Variants in PCDH15 observed in about 807,000 individuals in gnomAD.
The protein encoded by PCDH15 is protocadherin-15.
A neutral mutation model predicts 178.5 loss-of-function variants in PCDH15; 129 were observed. The ratio of observed to expected loss-of-function variants is 0.72; its 90% CI spans 0.63 to 0.84. The LOEUF is 0.84. Among genes scored for constraint, PCDH15 ranks in the 40% least tolerant of loss-of-function variants. PCDH15 has a pLI of 0.00. For missense variants in PCDH15, 2,230 were observed against 2,099.9 expected (o/e 1.06, Z -1.21); for synonymous variants, 800 against 732.0 (o/e 1.09, Z -1.50).
In PCDH15 at chr10:53,975,743, C is replaced by A. The variant is rs942589219; in HGVS notation, c.2869-13851G>T. 2.7e-5 allele frequency among the ~76,000 whole-genome samples: 4 copies of A among 150,228 alleles called. No individual in the cohort carries two copies. The East Asian group carries it at 5.8e-4, about 22-fold the overall frequency. On this transcript the variant is annotated intron_variant, in intron 21 of 37. Coordinates refer to ENST00000644397, the MANE Select transcript of PCDH15 (RefSeq NM_001384140.1). ...GTTGTCTGTTTACTTTGTTGATAGT[C>A]TCTTCGCTGGGGCAAAGCTCTTTAG...
intron 1 of PCDH15, among the ~76,000 whole-genome samples, chr10:55,234,770 T>C (rs1472848720): frequency 1.3e-5 from 2 of 152,084 alleles, no homozygotes; most frequent in African/African-American, 4.8e-5. Context: ...AATCACACTT[T>C]TTTATTACTC....
intron 2 of PCDH15, among the ~76,000 whole-genome samples, chr10:55,031,807 C>T (rs1840618094): frequency 2.0e-5 from 3 of 152,168 alleles, no homozygotes; most frequent in African/African-American, 7.2e-5. Context: ...GACAACCAAA[C>T]CTGCCAGTGC....
chr10:54,378,658 T>C, intron 4 of PCDH15, 124 bp downstream of exon 4: 2 of 1,072,054 alleles, frequency 1.9e-6, no homozygotes, highest in Non-Finnish European at 2.7e-6. Flanking sequence ...AAAGAAACTG[T>C]TGTTGCTATA....
chr10:55,434,963 C>A lies in PCDH15; in HGVS notation c.-156+192662G>T, dbSNP rs151021414. 9.1e-4 allele frequency among the ~76,000 whole-genome samples: 138 copies of A among 152,198 alleles called. 1 individual carries two copies. The highest frequency in any genetic ancestry group is 1.7e-3 in the Non-Finnish European group (115 of 68,010). On this transcript the variant is annotated intron_variant, in intron 2 of 5. Coordinates refer to the PCDH15 transcript ENST00000613346. ...GTCAAAAATCTAATTTTAAGATTTACTTATTTTATGAAAACATGAATAGTC... is the reference window on the plus strand; with the variant it reads ...GTCAAAAATCTAATTTTAAGATTTAATTATTTTATGAAAACATGAATAGTC...
At chr10:54,128,427 C>T (rs1383124938) in intron 15 of PCDH15, among the ~76,000 whole-genome samples, 11 of 152,156 alleles carry the variant, frequency 7.2e-5, no homozygotes, top group Non-Finnish European at 1.6e-4. Context: ...GCCCACTCCA[C>T]CACCACATTT....
intron 2 of PCDH15, among the ~76,000 whole-genome samples, chr10:55,423,454 A>G (rs1031951161): frequency 6.6e-5 from 10 of 152,044 alleles, no homozygotes; most frequent in Non-Finnish European, 1.5e-4. Flanking sequence ...CAGGGCTAGA[A>G]TGAAACAAAT....
chr10:54,896,531 T>A (rs1037815363), intron 3 of PCDH15, among the ~76,000 whole-genome samples: 1 of 151,896 alleles, frequency 6.6e-6, no homozygotes, highest in Non-Finnish European at 1.5e-5. Flanking sequence ...AAAAATAGCT[T>A]AGCTCCATGA....
rs78485499 is a variant in PCDH15 at position 55,506,645 on chromosome 10, C to T, written c.-156+120980G>A. On this transcript the variant is annotated intron_variant, in intron 2 of 5. Transcript: ENST00000613346. ...AGGGTAATATTTTGAAAACTCGACA[C>T]TTTATTCAAGGCTATAATTTTTATT... Among the ~76,000 whole-genome samples the T allele has an allele frequency of 8.4e-4, 127 of 151,624 alleles. No homozygotes were observed. The East Asian group carries it at 0.015, about 18-fold the overall frequency.
chr10:55,612,173 T>G (rs2132160796), intron 2 of PCDH15, among the ~76,000 whole-genome samples: 1 of 152,230 alleles, frequency 6.6e-6, no homozygotes, highest in Admixed American at 6.5e-5. Context: ...AGAGTATATT[T>G]TAAGTGTTCT....
At chr10:54,781,396 G>A (rs1025541375) in intron 1 of PCDH15, among the ~76,000 whole-genome samples, 13 of 152,164 alleles carry the variant, frequency 8.5e-5, no homozygotes, top group African/African-American at 2.9e-4. Context: ...ATACATCTAT[G>A]TAGACATTGT....
chr10:54,017,308 A>G (rs1361612109), intron 20 of PCDH15, among the ~76,000 whole-genome samples: 1 of 152,064 alleles, frequency 6.6e-6, no homozygotes, highest in East Asian at 1.9e-4. Flanking sequence ...TACAAGCATG[A>G]GCCACCATGC....
chr10:54,530,254 T>A (rs953980272), intron 2 of PCDH15, among the ~76,000 whole-genome samples: 1 of 152,174 alleles, frequency 6.6e-6, no homozygotes, highest in African/African-American at 2.4e-5. Flanking sequence ...CATCAACTGT[T>A]AAAATATACT....
intron 2 of PCDH15, chr10:54,600,392 G>A: frequency 1.8e-6 from 1 of 556,670 alleles, no homozygotes; most frequent in African/African-American, 1.9e-5. Context: ...AAGGCAAAAG[G>A]CAGTGGGAGG....
At chr10:54,672,309 G>A (rs540692427) in intron 1 of PCDH15, among the ~76,000 whole-genome samples, 1 of 152,024 alleles carries the variant, frequency 6.6e-6, no homozygotes, top group South Asian at 2.1e-4. Flanking sequence ...GCCCCAGGTC[G>A]GTGGAAATTT....
chr10:55,582,626 A>ATTTTTTTTTTTTT (rs1413632977), intron 2 of PCDH15, among the ~76,000 whole-genome samples: 1 of 61,234 alleles, frequency 1.6e-5, no homozygotes, highest in Non-Finnish European at 3.0e-5. Context: ...ATATATATAT[A>ATTTTTTTTTTTTT]TATTTTTTTT....
rs571889785 is a variant in PCDH15 at position 54,120,099 on chromosome 10, T to C, written c.1917+12776A>G. On this transcript the variant is annotated intron_variant, in intron 15 of 37. Coordinates refer to ENST00000644397, the MANE Select transcript of PCDH15 (RefSeq NM_001384140.1). ...AGAAGACTTACAAGCCAGGGGAGCCTGGGGATCTATTTTCAGCATGCTTAA... is the reference window on the plus strand; with the variant it reads ...AGAAGACTTACAAGCCAGGGGAGCCCGGGGATCTATTTTCAGCATGCTTAA... Among the ~76,000 whole-genome samples the C allele has an allele frequency of 9.9e-5, 15 of 152,264 alleles. No homozygotes were observed. The South Asian group carries it at 2.1e-3, about 21-fold the overall frequency.
At chr10:55,320,271 T>C (rs1843854043), upstream of PCDH15, among the ~76,000 whole-genome samples, 1 of 152,112 alleles carries the variant, frequency 6.6e-6, no homozygotes, top group African/African-American at 2.4e-5. Flanking sequence ...TGGCCATTGC[T>C]GGCACACACA....
At chr10:53,965,841 T>C (rs2088953485) in intron 21 of PCDH15, among the ~76,000 whole-genome samples, 1 of 142,556 alleles carries the variant, frequency 7.0e-6, no homozygotes, top group African/African-American at 2.6e-5. Flanking sequence ...TTAATTATAC[T>C]TAGAATCTTC....
chr10:55,431,699 C>T (rs1838883710), intron 2 of PCDH15, among the ~76,000 whole-genome samples: 1 of 151,968 alleles, frequency 6.6e-6, no homozygotes, highest in Non-Finnish European at 1.5e-5. Flanking sequence ...ATGAGTAAGC[C>T]GTTCATGTGT....
Sources: allele counts gnomAD v4.1 joint callset (sites outside exome capture counted in the v4.1 genomes callset), GRCh38; gene constraint gnomAD v4.1.1; transcripts MANE v1.5; gene names NCBI Gene and HGNC (gene_info 2026-07-23, HGNC 2026-07-21).